The following SLC24A2 variants were observed in gnomAD, a reference collection of about 807,000 sequenced individuals.
SLC24A2 encodes the protein sodium/potassium/calcium exchanger 2.
In SLC24A2, 36 loss-of-function variants were observed where a neutral mutation model predicts 62.0. The ratio of observed to expected loss-of-function variants is 0.58; its 90% confidence interval spans 0.44 to 0.77. The LOEUF (loss-of-function observed/expected upper bound fraction) is 0.77. SLC24A2 is among the 30% of genes least tolerant of loss of function. The pLI, the probability that SLC24A2 is intolerant of heterozygous loss-of-function variation, is 0.00. For synonymous variants in SLC24A2, 358 were observed against 294.0 expected, an observed-to-expected ratio of 1.22 and a Z score of -2.23; for missense variants, 846 against 817.9, an observed-to-expected ratio of 1.03 and a Z score of -0.42.
At chr9:20,265,894 G>A in the SLC24A2 span, among the ~76,000 whole-genome samples, 26 of 152,038 alleles carry the variant, frequency 1.7e-4, 1 homozygote, top group Non-Finnish European at 1.2e-4. Context: ...CCTTGGGTGC[G>A]GCCATCTTTT....
chr9:19,661,212 G>A (rs1387246902), intron 2 of SLC24A2, among the ~76,000 whole-genome samples: 1 of 137,788 alleles, frequency 7.3e-6, no homozygotes, highest in African/African-American at 2.6e-5. Flanking sequence ...TTTTTTTTGT[G>A]ATTCTTCCTC....
intron 2 of SLC24A2, among the ~76,000 whole-genome samples, chr9:19,667,234 G>A (rs1819281246): frequency 6.6e-6 from 1 of 152,114 alleles, no homozygotes; most frequent in African/African-American, 2.4e-5. Context: ...TCTGCAACCT[G>A]GTTATTTCCC....
the SLC24A2 span, among the ~76,000 whole-genome samples, chr9:19,935,592 T>G: frequency 6.6e-6 from 1 of 152,214 alleles, no homozygotes; most frequent in African/African-American, 2.4e-5. Context: ...TAGCAGCCCT[T>G]GTGTGTGTCC....
At chr9:19,777,817 A>T (rs1028996630) in intron 2 of SLC24A2, among the ~76,000 whole-genome samples, 1 of 152,186 alleles carries the variant, frequency 6.6e-6, no homozygotes, top group African/African-American at 2.4e-5. Flanking sequence ...ATGAGAGAAT[A>T]TAAACTGTTC....
chr9:19,694,122 C>A (rs1355142558), intron 2 of SLC24A2, among the ~76,000 whole-genome samples: 4 of 151,842 alleles, frequency 2.6e-5, no homozygotes, highest in Non-Finnish European at 1.5e-5. Flanking sequence ...AAATCTTACA[C>A]TGTTCATTCT....
At chr9:20,079,068 C>T in the SLC24A2 span, among the ~76,000 whole-genome samples, 1 of 144,660 alleles carries the variant, frequency 6.9e-6, no homozygotes, top group Non-Finnish European at 1.6e-5. Context: ...GAGATAAGAT[C>T]ATCCTGATTA....
At chr9:20,190,718 T>C in the SLC24A2 span, among the ~76,000 whole-genome samples, 1 of 152,200 alleles carries the variant, frequency 6.6e-6, no homozygotes, top group African/African-American at 2.4e-5. Flanking sequence ...GCTTGAAATC[T>C]GGAATTAAAA....
intron 7 of SLC24A2, among the ~76,000 whole-genome samples, chr9:19,567,913 C>G (rs1287872169): frequency 6.6e-6 from 1 of 152,076 alleles, no homozygotes; most frequent in Non-Finnish European, 1.5e-5. Flanking sequence ...CTCTCTATTG[C>G]CACGGTAAAG....
At chr9:20,226,824 A>C in the SLC24A2 span, among the ~76,000 whole-genome samples, 1 of 152,224 alleles carries the variant, frequency 6.6e-6, no homozygotes, top group Non-Finnish European at 1.5e-5. Flanking sequence ...AGTGTGTATT[A>C]CAACCCCTAC....
intron 2 of SLC24A2, among the ~76,000 whole-genome samples, chr9:19,730,859 T>C (rs2118706362): frequency 6.7e-6 from 1 of 148,264 alleles, no homozygotes; most frequent in African/African-American, 2.5e-5. Context: ...CTTTCTACAC[T>C]TAAATCCTAT....
intron 2 of SLC24A2, among the ~76,000 whole-genome samples, chr9:19,703,979 C>A (rs1027477325): frequency 2.0e-5 from 3 of 152,120 alleles, no homozygotes; most frequent in African/African-American, 7.2e-5. Flanking sequence ...TGTGTCTCAT[C>A]CTAGCAGGGC....
At chr9:20,067,413 T>C in the SLC24A2 span, among the ~76,000 whole-genome samples, 1 of 152,262 alleles carries the variant, frequency 6.6e-6, no homozygotes, top group African/African-American at 2.4e-5. Flanking sequence ...CTATGTCTGA[T>C]TTTTAAATTT....
At chr9:20,068,380 T>C in the SLC24A2 span, among the ~76,000 whole-genome samples, 2 of 152,098 alleles carry the variant, frequency 1.3e-5, no homozygotes, top group South Asian at 2.1e-4. Flanking sequence ...TTTTTAATAA[T>C]AGCCATTCTG....
chr9:19,561,280 C>A (rs1451137794), intron 7 of SLC24A2, among the ~76,000 whole-genome samples: 2 of 151,846 alleles, frequency 1.3e-5, no homozygotes, highest in African/African-American at 4.8e-5. Context: ...TTCTTATCCT[C>A]TACTTTCCTA....
At chr9:19,884,206 A>G in the SLC24A2 span, among the ~76,000 whole-genome samples, 2 of 152,246 alleles carry the variant, frequency 1.3e-5, no homozygotes, top group Admixed American at 6.5e-5. Flanking sequence ...AACAATGTGT[A>G]TTAGTTTATA....
chr9:19,636,262 TTTCTTCTC>T lies in SLC24A2; in HGVS notation c.931-13971_931-13964del, dbSNP rs1362227640. Among the ~76,000 whole-genome samples, 77 of 52,290 alleles carry T rather than the reference TTTCTTCTC, an allele frequency of 1.5e-3. 15 individuals carry two copies. Among genetic ancestry groups the T allele is most frequent in the African/African-American group, 4.5e-3 (67 of 14,802 alleles). 34.3% of individuals were successfully genotyped at this position (52,290 alleles called of 152,430 possible). A position where few individuals can be genotyped will look rare whatever the true frequency, so the allele number is the denominator to read the frequency against. On this transcript the variant is annotated intron_variant, in intron 2 of 10. Transcript: ENST00000341998. ...TATTTAGTGCTAGGTGTCCTTTTCT[TTTCTTCTC>T]TTCTTCTCTTCTTCTCTTCTTTTCT...
chr9:20,032,993 G>C, the SLC24A2 span, among the ~76,000 whole-genome samples: 1 of 152,186 alleles, frequency 6.6e-6, no homozygotes, highest in South Asian at 2.1e-4. Flanking sequence ...ATACCTTGGT[G>C]AATCAGATAT....
chr9:20,003,106 G>A, the SLC24A2 span, among the ~76,000 whole-genome samples: 117,174 of 152,138 alleles, frequency 0.77, 45,415 homozygotes, highest in African/African-American at 0.83. Context: ...ATATGGTGGT[G>A]AGGGAAGGAT....
chr9:20,303,380 A>C, the SLC24A2 span, among the ~76,000 whole-genome samples: 752 of 152,368 alleles, frequency 4.9e-3, 8 homozygotes, highest in African/African-American at 0.017. Flanking sequence ...ACTTCAGCCA[A>C]GATCTTGTAA....
Sources: gnomAD v4.1 joint callset for allele counts (sites outside exome capture counted in the v4.1 genomes callset) on GRCh38, gnomAD v4.1.1 for gene constraint, MANE v1.5 for transcripts, NCBI Gene and HGNC (gene_info 2026-07-23, HGNC 2026-07-21) for gene names.